Variants in DIP2B observed in about 807,000 individuals in gnomAD.
The protein encoded by DIP2B is disco-interacting protein 2 homolog B.
In DIP2B, 76 loss-of-function variants were observed where a neutral mutation model predicts 198.0. The ratio of observed to expected loss-of-function variants is 0.38; its 90% CI spans 0.32 to 0.46. The LOEUF (loss-of-function observed/expected upper bound fraction) is 0.46, where lower values mean the gene tolerates loss of function less well. DIP2B is among the 20% of genes least tolerant of loss of function. DIP2B has a pLI of 0.99. For missense variants in DIP2B, 1,559 were observed against 1,978.4 expected, an observed-to-expected ratio of 0.79 and a Z score of 4.02; for synonymous variants, 701 against 739.1, an observed-to-expected ratio of 0.95 and a Z score of 0.84.
At chr12:50,655,878 G>A (rs1338220727) in intron 3 of DIP2B, among the ~76,000 whole-genome samples, 5 of 152,176 alleles carry the variant, frequency 3.3e-5, no homozygotes, top group Admixed American at 3.3e-4. Flanking sequence ...ACGAGTTTGA[G>A]GTGAGAGGAT....
At chr12:50,559,426 A>G (rs2139395582) in intron 1 of DIP2B, among the ~76,000 whole-genome samples, 1 of 151,530 alleles carries the variant, frequency 6.6e-6, no homozygotes, top group East Asian at 1.9e-4. Context: ...AGTTTGACTA[A>G]CCAACAATTG....
At chr12:50,540,699 C>T (rs1455625166) in intron 1 of DIP2B, among the ~76,000 whole-genome samples, 2 of 151,862 alleles carry the variant, frequency 1.3e-5, no homozygotes, top group Non-Finnish European at 1.5e-5. Flanking sequence ...CAGGTGCCCG[C>T]CACGGCGCCC....
At chr12:50,682,886 G>A (rs921405623) in intron 9 of DIP2B, among the ~76,000 whole-genome samples, 16 of 152,184 alleles carry the variant, frequency 1.1e-4, no homozygotes, top group African/African-American at 3.9e-4. Flanking sequence ...AAAGGATTAA[G>A]TGAAAAATTG....
At chr12:50,639,082 T>G (rs1476187517) in intron 2 of DIP2B, among the ~76,000 whole-genome samples, 1 of 123,212 alleles carries the variant, frequency 8.1e-6, no homozygotes, top group African/African-American at 3.0e-5. Flanking sequence ...TGGGAATAAG[T>G]CTCCACAATT....
At chr12:50,695,427 A>G (rs546918509) in intron 15 of DIP2B, 67 bp downstream of exon 15, 11 of 1,484,586 alleles carry the variant, frequency 7.4e-6, no homozygotes, top group South Asian at 3.4e-5. Context: ...GGGATTTCAG[A>G]GATTTTCAAA....
chr12:50,660,258 C>A lies in DIP2B; in HGVS notation c.366C>A (p.Pro122=). 1.2e-6 allele frequency: 2 copies of A among 1,613,374 alleles called. No individual in the cohort carries two copies. The highest frequency in any genetic ancestry group is 1.7e-6 in the Non-Finnish European group (2 of 1,179,660). The part of the protein sequence containing the change: ...AKHKEQKMAL[P]MPTKRRSTFV... Reference sequence around the variant, plus strand: ...ATAAAGAACAGAAGATGGCTTTGCCCATGCCAACCAAAAGGCGATCCACAT... The same window carrying A: ...ATAAAGAACAGAAGATGGCTTTGCCAATGCCAACCAAAAGGCGATCCACAT... Residue 122 remains proline, a synonymous_variant, in exon 4 of 38, where the codon CCC becomes CCA. Transcript: ENST00000301180.
At chr12:50,609,963 GTAAA>G (rs1477820193) in intron 1 of DIP2B, among the ~76,000 whole-genome samples, 6 of 152,180 alleles carry the variant, frequency 3.9e-5, no homozygotes, top group African/African-American at 1.4e-4. Context: ...AAGGAAGTAA[GTAAA>G]TCATATTCCA....
intron 1 of DIP2B, among the ~76,000 whole-genome samples, chr12:50,517,009 C>T (rs569054160): frequency 4.1e-5 from 6 of 147,102 alleles, no homozygotes; most frequent in East Asian, 2.2e-4. Context: ...ATCCGCCTCC[C>T]GGGTTCACGC....
chr12:50,598,030 G>A (rs1388993255), intron 1 of DIP2B, among the ~76,000 whole-genome samples: 1 of 152,198 alleles, frequency 6.6e-6, no homozygotes, highest in East Asian at 1.9e-4. Flanking sequence ...GCAGCCATAT[G>A]ACTGACTGAT....
intron 1 of DIP2B, among the ~76,000 whole-genome samples, chr12:50,549,387 C>T (rs1593600208): frequency 2.0e-5 from 3 of 151,854 alleles, no homozygotes; most frequent in Admixed American, 6.6e-5. Context: ...AAAATAAGCC[C>T]GGCATGGTGG....
At chr12:50,618,743 G>C (rs2139460699) in intron 1 of DIP2B, among the ~76,000 whole-genome samples, 1 of 152,284 alleles carries the variant, frequency 6.6e-6, no homozygotes, top group East Asian at 1.9e-4. Flanking sequence ...AATATCACCT[G>C]ATAGGGCTGT....
At chr12:50,720,034 G>T (rs1213065860) in intron 25 of DIP2B, among the ~76,000 whole-genome samples, 2 of 150,672 alleles carry the variant, frequency 1.3e-5, no homozygotes, top group Non-Finnish European at 3.0e-5. Flanking sequence ...GGGTTCAAGC[G>T]ATTCTCCTGC....
chr12:50,732,924 G>C (rs530715534), intron 32 of DIP2B, among the ~76,000 whole-genome samples: 40 of 150,270 alleles, frequency 2.7e-4, no homozygotes, highest in African/African-American at 9.5e-4. Context: ...TTTTTTATTT[G>C]AGACGGAGCC....
intron 1 of DIP2B, among the ~76,000 whole-genome samples, chr12:50,525,762 C>T (rs1593579745): frequency 6.6e-6 from 1 of 152,278 alleles, no homozygotes; most frequent in African/African-American, 2.4e-5. Flanking sequence ...ATCCTCCCAC[C>T]TTGGCCTCCC....
Position 50,544,629 on chromosome 12 carries a change from T to C in DIP2B, c.100+39389T>C, listed in dbSNP as rs1239174000. On this transcript the variant is annotated intron_variant, in intron 1 of 37. Coordinates refer to ENST00000301180, the MANE Select transcript of DIP2B (RefSeq NM_173602.3). ...CCTCAGATAACTTTCTTTTTCTTTT[T>C]TTTTTTTTTTTTGAGACGGAGTCTG... Among the ~76,000 whole-genome samples the C allele has an allele frequency of 8.0e-4, 117 of 147,156 alleles. 1 individual carries two copies. Among genetic ancestry groups the C allele is most frequent in the African/African-American group, 2.9e-3 (113 of 39,476 alleles).
At chr12:50,696,982 G>GCTTT (rs1939323875) in intron 16 of DIP2B, 79 bp from the exon 17 acceptor site, 6 of 1,081,142 alleles carry the variant, frequency 5.5e-6, no homozygotes, top group Non-Finnish European at 5.5e-6. Context: ...AAGTATGTCA[G>GCTTT]CTTTCTATTC....
intron 1 of DIP2B, among the ~76,000 whole-genome samples, chr12:50,571,364 G>A (rs954550804): frequency 6.6e-6 from 1 of 151,908 alleles, no homozygotes; most frequent in African/African-American, 2.4e-5. Context: ...TAGAGATGGG[G>A]TTATGCCATG....
chr12:50,646,387 C>G (rs575552948), intron 3 of DIP2B, among the ~76,000 whole-genome samples: 8 of 151,122 alleles, frequency 5.3e-5, no homozygotes, highest in African/African-American at 1.9e-4. Flanking sequence ...TACCAAAGTG[C>G]TGGGATTACA....
At chr12:50,513,998 T>C (rs1168114362) in intron 1 of DIP2B, among the ~76,000 whole-genome samples, 7 of 152,160 alleles carry the variant, frequency 4.6e-5, no homozygotes, top group Non-Finnish European at 1.0e-4. Flanking sequence ...GATTGATCTT[T>C]CATCTTTTAA....
Sources: allele counts gnomAD v4.1 joint callset (sites outside exome capture counted in the v4.1 genomes callset), GRCh38; gene constraint gnomAD v4.1.1; transcripts MANE v1.5; gene names NCBI Gene and HGNC (gene_info 2026-07-23, HGNC 2026-07-21).